Variants in PIEZO1 observed in about 807,000 individuals in gnomAD.
The protein encoded by PIEZO1 is piezo type mechanosensitive ion channel component 1 (Er blood group), also known as piezo-type mechanosensitive ion channel component 1.
A neutral mutation model predicts 297.2 loss-of-function variants in PIEZO1; 296 were observed. The observed-to-expected ratio is 1.00, with a 90% CI of 0.91 to 1.10. The LOEUF is 1.10. PIEZO1 is among the 50% of genes least tolerant of loss of function. The probability of loss-of-function intolerance (pLI) is 0.00; values close to 1 mark genes in which losing one functional copy is unlikely to be tolerated. For synonymous variants in PIEZO1, 2,427 were observed against 1,507.5 expected, an observed-to-expected ratio of 1.61 and a Z score of -14.13; for missense variants, 5,018 against 3,455.5, an observed-to-expected ratio of 1.45 and a Z score of -11.34.
intron 19 of PIEZO1, 113 bp downstream of exon 19, chr16:88,733,165 C>T (rs1904982581): frequency 2.0e-6 from 2 of 1,008,674 alleles, no homozygotes; most frequent in East Asian, 2.6e-5. Flanking sequence ...GGGGAGAGTC[C>T]TCCATCTCCA....
chr16:88,741,321 C>A, intron 5 of PIEZO1, 157 bp downstream of exon 5: 1 of 664,074 alleles, frequency 1.5e-6, no homozygotes, highest in East Asian at 2.8e-5. Context: ...CAGGCTGGGC[C>A]CCGGGGTGGG....
intron 1 of PIEZO1, among the ~76,000 whole-genome samples, chr16:88,770,794 C>T (rs1015625931): frequency 1.3e-5 from 2 of 152,378 alleles, no homozygotes; most frequent in Middle Eastern, 3.4e-3. Flanking sequence ...CACTGGGCCC[C>T]GCGCGGCCCT....
At chr16:88,773,298 G>A (rs989020700) in intron 1 of PIEZO1, among the ~76,000 whole-genome samples, 9 of 152,274 alleles carry the variant, frequency 5.9e-5, no homozygotes, top group African/African-American at 1.9e-4. Flanking sequence ...GGCAGCCAAC[G>A]AGGGACCCCC....
intron 2 of PIEZO1, among the ~76,000 whole-genome samples, chr16:88,748,430 A>G (rs1156728825): frequency 4.5e-5 from 2 of 44,144 alleles, no homozygotes; most frequent in Non-Finnish European, 1.0e-4. Context: ...GATACGGGAG[A>G]GCAACACAGT....
In PIEZO1 at chr16:88,735,123, C is replaced by G. The variant is rs1282212374; in HGVS notation, c.1669+12G>C. On this transcript the variant is annotated intron_variant, in intron 13 of 50. Transcript: ENST00000301015. ...GCAGGAGGGCAACCCCCGCCTCTGG[C>G]CCACCACTCACCTGTGTCTGCCACG... 1.3e-6 allele frequency: 2 copies of G among 1,549,790 alleles called. No individual in the cohort carries two copies. The highest frequency in any genetic ancestry group is 1.7e-6 in the Non-Finnish European group (2 of 1,146,452).
At chr16:88,778,107 C>T (rs1033261401) in intron 1 of PIEZO1, among the ~76,000 whole-genome samples, 1 of 152,164 alleles carries the variant, frequency 6.6e-6, no homozygotes, top group African/African-American at 2.4e-5. Context: ...GGAGGGCGGA[C>T]AAACACACCC....
chr16:88,732,255 G>C, intron 21 of PIEZO1, 80 bp downstream of exon 21: 1 of 1,275,764 alleles, frequency 7.8e-7, no homozygotes, highest in Non-Finnish European at 1.1e-6. Flanking sequence ...GGCCAGGCTT[G>C]CGGTGCCTGC....
At chr16:88,744,201 G>A (rs576400250) in intron 2 of PIEZO1, 4 of 154,352 alleles carry the variant, frequency 2.6e-5, no homozygotes, top group East Asian at 3.8e-4. Flanking sequence ...ACCGACCCAG[G>A]GAATGGGCTC....
rs754803846 is a variant in PIEZO1 at position 88,737,619 on chromosome 16, C to T, written c.1135G>A (p.Glu379Lys). 50 of 1,534,952 alleles carry T rather than the reference C, an allele frequency of 3.3e-5. No individual in the cohort carries two copies. The highest frequency in any genetic ancestry group is 4.1e-5 in the Non-Finnish European group (47 of 1,146,612). Residue 379 changes from glutamate to lysine, a missense_variant, in exon 10 of 51, where the codon GAG (glutamate) becomes AAG (lysine). Physicochemically the swap from Glu to Lys is moderately conservative, Grantham distance 56. Transcript: ENST00000301015. ...TCGTGCACGATGCAGTTATCAGCCTCGGTGTCGGGTGCTGTGGGCACCACG... is the reference window on the plus strand; with the variant it reads ...TCGTGCACGATGCAGTTATCAGCCTTGGTGTCGGGTGCTGTGGGCACCACG... Reference protein sequence around the residue: ...QHVVPTAPDTEADNCIVHELT... With the variant: ...QHVVPTAPDTKADNCIVHELT...
In PIEZO1 at chr16:88,727,295, G is replaced by A. The variant is rs575144557; in HGVS notation, c.3302-103C>T. The A allele has an allele frequency of 6.0e-5, 78 of 1,301,932 alleles. No homozygotes were observed. In the African/African-American group the frequency reaches 6.7e-4, roughly 11 times the overall value. 80.6% of individuals were successfully genotyped at this position (1,301,932 alleles called of 1,614,324 possible). A position where few individuals can be genotyped will look rare whatever the true frequency, so the allele number is the denominator to read the frequency against. ...ACCCCAGGCCTGTCGGCGTGCAGCCGCTGGGAGCGGACACACGTCTGCCTG... is the reference window on the plus strand; with the variant it reads ...ACCCCAGGCCTGTCGGCGTGCAGCCACTGGGAGCGGACACACGTCTGCCTG... On this transcript the variant is annotated intron_variant, in intron 23 of 50. Coordinates refer to ENST00000301015, the MANE Select transcript of PIEZO1 (RefSeq NM_001142864.4).
rs921529245 is a variant in PIEZO1 at position 88,785,044 on chromosome 16, G to T, written c.-80C>A. 220 of 868,750 alleles carry T rather than the reference G, an allele frequency of 2.5e-4. No homozygotes were observed. The highest frequency in any genetic ancestry group is 3.1e-4 in the Non-Finnish European group (212 of 673,290). 53.8% of individuals were successfully genotyped at this position (868,750 alleles called of 1,614,324 possible). A position where few individuals can be genotyped will look rare whatever the true frequency, so the allele number is the denominator to read the frequency against. On this transcript the variant is annotated 5_prime_UTR_variant, in exon 1 of 51. Transcript: ENST00000301015. ...GCGGTGCGGGGGCCCCGGGGCCGGC[G>T]CGCCATGGCTGACCCGCGGGGACCC...
At chr16:88,780,543 G>C (rs475596) in intron 1 of PIEZO1, among the ~76,000 whole-genome samples, 85,486 of 152,164 alleles carry the variant, frequency 0.56, 24,449 homozygotes, top group Middle Eastern at 0.69. Context: ...GTCCATGCCA[G>C]ATGTGTGTGT....
At chr16:88,733,021 G>A (rs967210856) in intron 19 of PIEZO1, 1 of 581,216 alleles carries the variant, frequency 1.7e-6, no homozygotes, top group Admixed American at 3.1e-5. Flanking sequence ...CCAGGGGTGG[G>A]GCCCTCCCGT....
chr16:88,770,508 CAG>C (rs964896409), intron 1 of PIEZO1, among the ~76,000 whole-genome samples: 1 of 152,224 alleles, frequency 6.6e-6, no homozygotes. Context: ...GCGTTCTCCT[CAG>C]GGGCGGCTCC....
Position 88,731,719 on chromosome 16 carries a change from C to CG in PIEZO1, c.3182dup (p.Ala1062GlyfsTer5). Reference sequence around the variant, plus strand: ...CGTGCCCCTCACCAATGCACAGGGCCGGGGGCATCCCCAGGCACAGCAGGT... The same window carrying CG: ...CGTGCCCCTCACCAATGCACAGGGCCGGGGGGCATCCCCAGGCACAGCAGGT... On this transcript the variant is annotated frameshift_variant, in exon 22 of 51. Transcript: ENST00000301015. LOFTEE classifies it high-confidence loss of function. 1 of 1,549,464 alleles carries CG rather than the reference C, an allele frequency of 6.5e-7. No individual in the cohort carries two copies. The highest frequency in any genetic ancestry group is 8.7e-7 in the Non-Finnish European group (1 of 1,146,726).
At chr16:88,721,459 G>A (rs748880423) in intron 38 of PIEZO1, 29 bp from the exon 39 acceptor site, 56 of 1,539,874 alleles carry the variant, frequency 3.6e-5, no homozygotes, top group Non-Finnish European at 4.6e-5. Flanking sequence ...TGGTGAGGGG[G>A]CCTTGCCTCC....
intron 23 of PIEZO1, among the ~76,000 whole-genome samples, 164 bp downstream of exon 23, chr16:88,727,393 C>T (rs1252552270): frequency 2.0e-5 from 3 of 152,178 alleles, no homozygotes; most frequent in Admixed American, 6.5e-5. Flanking sequence ...TGCACACAGG[C>T]TGAGGTCTGC....
At chr16:88,732,218 C>G in intron 21 of PIEZO1, 117 bp downstream of exon 21, 1 of 862,404 alleles carries the variant, frequency 1.2e-6, no homozygotes, top group Non-Finnish European at 1.8e-6. Context: ...GTCCCCCACC[C>G]TCTGTGGCCC....
chr16:88,750,547 G>C (rs1906337459), intron 1 of PIEZO1, among the ~76,000 whole-genome samples: 1 of 152,216 alleles, frequency 6.6e-6, no homozygotes, highest in African/African-American at 2.4e-5. Context: ...CTCATCCTGA[G>C]AGTCCGGCCA....
Sources: gnomAD v4.1 joint callset for allele counts (sites outside exome capture counted in the v4.1 genomes callset) on GRCh38, gnomAD v4.1.1 for gene constraint, MANE v1.5 for transcripts, NCBI Gene and HGNC (gene_info 2026-07-23, HGNC 2026-07-21) for gene names.